Variants in SDK1 observed in about 807,000 individuals in gnomAD.
The protein encoded by SDK1 is protein sidekick-1.
SDK1 carries 157 observed loss-of-function variants against 245.5 expected under a neutral mutation model. The observed-to-expected ratio is 0.64, with a 90% confidence interval of 0.56 to 0.73. The LOEUF (loss-of-function observed/expected upper bound fraction) is 0.73. Ranked by LOEUF, SDK1 falls within the 30% of genes least tolerant of loss-of-function variation. The probability of loss-of-function intolerance (pLI) is 0.00; values close to 1 mark genes in which losing one functional copy is unlikely to be tolerated. For missense variants in SDK1, 3,583 were observed against 3,002.3 expected (o/e 1.19, Z -4.52); for synonymous variants, 1,647 against 1,278.5 (o/e 1.29, Z -6.15).
At chr7:4,122,727 G>T (rs1008083880) in intron 25 of SDK1, among the ~76,000 whole-genome samples, 1 of 152,166 alleles carries the variant, frequency 6.6e-6, no homozygotes, top group African/African-American at 2.4e-5. Flanking sequence ...GAGAAAAGAA[G>T]CCATGGAATG....
At chr7:3,671,713 C>T (rs1017310644) in intron 4 of SDK1, among the ~76,000 whole-genome samples, 1 of 151,774 alleles carries the variant, frequency 6.6e-6, no homozygotes, top group African/African-American at 2.4e-5. Flanking sequence ...ACAAAATAAT[C>T]CCTGAGACAG....
chr7:4,203,533 T>TAAA (rs10541704), intron 35 of SDK1, among the ~76,000 whole-genome samples: 1 of 148,608 alleles, frequency 6.7e-6, no homozygotes, highest in African/African-American at 2.5e-5. Flanking sequence ...ATTTTTTTTT[T>TAAA]AAAAAAAAAA....
intron 5 of SDK1, among the ~76,000 whole-genome samples, chr7:3,932,805 C>T (rs1193708251): frequency 6.6e-6 from 1 of 152,196 alleles, no homozygotes; most frequent in Non-Finnish European, 1.5e-5. Context: ...CAGAGATAGA[C>T]AGGAGAGAAC....
intron 20 of SDK1, among the ~76,000 whole-genome samples, chr7:4,074,354 T>G (rs1780481325): frequency 6.6e-6 from 1 of 152,206 alleles, no homozygotes; most frequent in Non-Finnish European, 1.5e-5. Context: ...AAACGGACCA[T>G]GTATCCATTA....
chr7:3,333,017 A>G (rs1780108313), intron 1 of SDK1, among the ~76,000 whole-genome samples: 1 of 152,162 alleles, frequency 6.6e-6, no homozygotes, highest in East Asian at 1.9e-4. Flanking sequence ...AGTGTATTGT[A>G]ACCTTTTATA....
At chr7:3,639,233 A>C in intron 3 of SDK1, 123 bp downstream of exon 3, 1 of 518,248 alleles carries the variant, frequency 1.9e-6, no homozygotes, top group South Asian at 3.6e-5. Context: ...TTTGAGTAGA[A>C]TAATTGCAAA....
At chr7:3,361,082 T>C (rs1045671234) in intron 1 of SDK1, among the ~76,000 whole-genome samples, 10 of 152,182 alleles carry the variant, frequency 6.6e-5, no homozygotes, top group African/African-American at 2.2e-4. Context: ...AAAACCGTAT[T>C]GATCAAATCA....
intron 9 of SDK1, 93 bp from the exon 10 acceptor site, chr7:3,967,225 T>G: frequency 1.1e-6 from 1 of 918,034 alleles, no homozygotes; most frequent in Non-Finnish European, 1.8e-6. Flanking sequence ...CCTCTGTGAT[T>G]GGCTCTCTAA....
intron 14 of SDK1, among the ~76,000 whole-genome samples, chr7:3,998,825 A>G (rs1253790929): frequency 6.6e-6 from 1 of 152,162 alleles, no homozygotes; most frequent in African/African-American, 2.4e-5. Context: ...CGGCGTCTCC[A>G]CTGCCTAGGG....
chr7:4,018,615 T>C (rs1404240819), intron 17 of SDK1, among the ~76,000 whole-genome samples: 3 of 152,278 alleles, frequency 2.0e-5, no homozygotes, highest in East Asian at 1.9e-4. Context: ...CTCATATTGC[T>C]ATTAGTAATC....
intron 35 of SDK1, among the ~76,000 whole-genome samples, chr7:4,201,493 T>A (rs573269762): frequency 5.3e-5 from 8 of 152,362 alleles, no homozygotes; most frequent in Admixed American, 5.2e-4. Flanking sequence ...TTTCATTATA[T>A]TAAAACATTA....
chr7:3,953,061 TCTC>T (rs1235987968), intron 7 of SDK1, among the ~76,000 whole-genome samples: 1 of 151,650 alleles, frequency 6.6e-6, no homozygotes, highest in East Asian at 1.9e-4. Context: ...CGACTTCCTC[TCTC>T]CTCTTTGGGA....
chr7:3,340,030 C>T (rs1289127101), intron 1 of SDK1, among the ~76,000 whole-genome samples: 1 of 151,944 alleles, frequency 6.6e-6, no homozygotes, highest in Non-Finnish European at 1.5e-5. Context: ...AGGCTGCAGC[C>T]ATTGAAAGGA....
chr7:3,972,273 G>A (rs573456556), intron 12 of SDK1, among the ~76,000 whole-genome samples: 10 of 152,104 alleles, frequency 6.6e-5, no homozygotes, highest in Admixed American at 2.0e-4. Flanking sequence ...TAGAGACGGC[G>A]TTTCACCATG....
At chr7:3,793,923 C>A (rs984421856) in intron 4 of SDK1, among the ~76,000 whole-genome samples, 1 of 152,048 alleles carries the variant, frequency 6.6e-6, no homozygotes, top group African/African-American at 2.4e-5. Context: ...GTGCTCCCTG[C>A]CCTGTTCTGG....
intron 5 of SDK1, among the ~76,000 whole-genome samples, chr7:3,922,135 C>G (rs547728586): frequency 6.6e-6 from 1 of 152,338 alleles, no homozygotes; most frequent in East Asian, 1.9e-4. Context: ...GTCATGGCCC[C>G]TCAGCTTCAG....
At chr7:4,135,968 G>A (rs559140886) in intron 28 of SDK1, among the ~76,000 whole-genome samples, 5 of 152,268 alleles carry the variant, frequency 3.3e-5, no homozygotes, top group South Asian at 2.1e-4. Context: ...GCTTCTTGCC[G>A]ACAAGAGAAA....
At chr7:4,085,493 CTTGTT>C (rs1252584668) in intron 22 of SDK1, among the ~76,000 whole-genome samples, 1 of 152,048 alleles carries the variant, frequency 6.6e-6, no homozygotes, top group Non-Finnish European at 1.5e-5. Context: ...CATTTCAGGA[CTTGTT>C]TTGTTTTTTT....
At chr7:3,434,335 C>T (rs1209016293) in intron 1 of SDK1, among the ~76,000 whole-genome samples, 1 of 152,102 alleles carries the variant, frequency 6.6e-6, no homozygotes, top group Non-Finnish European at 1.5e-5. Flanking sequence ...CCTTGTTCGC[C>T]TTGGTTTTGG....
Sources: gnomAD v4.1 joint callset for allele counts (sites outside exome capture counted in the v4.1 genomes callset) on GRCh38, gnomAD v4.1.1 for gene constraint, MANE v1.5 for transcripts, NCBI Gene and HGNC (gene_info 2026-07-23, HGNC 2026-07-21) for gene names.